DYRK1A: variants seen among roughly 807,000 people sequenced by gnomAD.
DYRK1A encodes dual specificity tyrosine phosphorylation regulated kinase 1A.
DYRK1A carries 9 observed loss-of-function variants against 79.7 expected under a neutral mutation model. That is an observed-to-expected ratio of 0.11 (90% CI 0.07 to 0.20). The LOEUF (loss-of-function observed/expected upper bound fraction) is 0.20, where lower values mean the gene tolerates loss of function less well. Ranked by LOEUF, DYRK1A falls within the 10% of genes least tolerant of loss-of-function variation. The pLI is 1.00. For synonymous variants in DYRK1A, 349 were observed against 329.7 expected (o/e 1.06, Z -0.63); for missense variants, 622 against 956.0 (o/e 0.65, Z 4.61).
intron 2 of DYRK1A, among the ~76,000 whole-genome samples, chr21:37,450,816 C>A (rs1000649955): frequency 2.0e-5 from 3 of 152,242 alleles, no homozygotes; most frequent in Non-Finnish European, 2.9e-5. Flanking sequence ...GTACTTCCCT[C>A]CAAAGCACTA....
intron 1 of DYRK1A, among the ~76,000 whole-genome samples, chr21:37,402,875 G>T (rs1427618991): frequency 6.6e-6 from 1 of 152,056 alleles, no homozygotes; most frequent in Non-Finnish European, 1.5e-5. Flanking sequence ...TGATTCTCAT[G>T]CCTTAGCCTC....
chr21:37,478,932 A>G (rs1181458504), intron 4 of DYRK1A, among the ~76,000 whole-genome samples: 1 of 152,052 alleles, frequency 6.6e-6, no homozygotes. Flanking sequence ...GCCACCGAAA[A>G]TTTTTCTGGT....
chr21:37,474,223 T>G (rs1215724103), intron 3 of DYRK1A, among the ~76,000 whole-genome samples: 2 of 152,222 alleles, frequency 1.3e-5, no homozygotes, highest in East Asian at 3.8e-4. Context: ...TCCAGTCCTT[T>G]AAAGTCATTT....
At position 37,367,453 on chromosome 21, in the gene DYRK1A, C is replaced by G. The variant is rs146710299; in HGVS notation, c.-252C>G. 1.6e-3 allele frequency: 239 copies of G among 148,720 alleles called. No homozygotes were observed. The highest frequency in any genetic ancestry group is 5.4e-3 in the African/African-American group (223 of 41,116). The allele number at this position is 148,720 out of a possible 1,614,324, so 9.2% of individuals were successfully genotyped here. ...TCCCCGGCCCCGGGCGCCGCTGGAA[C>G]CGCGAGCCGAGGAGAGACTGAGCAG... On this transcript the variant is annotated 5_prime_UTR_variant, in exon 1 of 12. Coordinates refer to ENST00000647188, the MANE Select transcript of DYRK1A (RefSeq NM_001347721.2).
intron 9 of DYRK1A, 94 bp downstream of exon 9, chr21:37,496,352 G>A: frequency 9.8e-6 from 13 of 1,323,670 alleles, no homozygotes; most frequent in Non-Finnish European, 1.3e-5. Flanking sequence ...TGAAATCAGT[G>A]TGTTTCAGTT....
chr21:37,380,467 T>C (rs1259522499), intron 1 of DYRK1A, among the ~76,000 whole-genome samples: 2 of 152,020 alleles, frequency 1.3e-5, no homozygotes, highest in Non-Finnish European at 2.9e-5. Flanking sequence ...GCTAGGTAAA[T>C]TTACCTAGGA....
At chr21:37,379,611 T>C (rs748679400) in intron 1 of DYRK1A, among the ~76,000 whole-genome samples, 1 of 152,196 alleles carries the variant, frequency 6.6e-6, no homozygotes, top group Non-Finnish European at 1.5e-5. Flanking sequence ...CCATTAAATA[T>C]GAGCTAAAAA....
At chr21:37,430,739 C>T (rs2050754257) in intron 2 of DYRK1A, among the ~76,000 whole-genome samples, 1 of 152,184 alleles carries the variant, frequency 6.6e-6, no homozygotes, top group South Asian at 2.1e-4. Context: ...CGTGTCTAGT[C>T]CTGGTGCAGG....
chr21:37,432,786 T>A (rs2148457511), intron 2 of DYRK1A, among the ~76,000 whole-genome samples: 1 of 152,138 alleles, frequency 6.6e-6, no homozygotes, highest in African/African-American at 2.4e-5. Context: ...TCTAAAAATA[T>A]TTCTTATAGG....
rs1569284870 is a variant in DYRK1A, at chr21:37,388,122, T to TTA, written c.-77+20494_-77+20495insTA. ...TTGATTTTTTTTTTTTTTTTTTTTT[T>TTA]ACTCTTGCCCAGGCTGGAGTGCAGT... On this transcript the variant is annotated intron_variant, in intron 1 of 11. Coordinates refer to ENST00000647188, the MANE Select transcript of DYRK1A (RefSeq NM_001347721.2). 2.7e-5 allele frequency among the ~76,000 whole-genome samples: 4 copies of TTA among 148,010 alleles called. No homozygotes were observed. The East Asian group carries it at 5.9e-4, about 22-fold the overall frequency.
intron 1 of DYRK1A, among the ~76,000 whole-genome samples, chr21:37,392,862 T>G (rs1203068050): frequency 1.3e-5 from 2 of 152,246 alleles, no homozygotes; most frequent in African/African-American, 2.4e-5. Flanking sequence ...GAGGATCCAG[T>G]CTTTCTGCTT....
At chr21:37,414,335 A>G (rs2050297337) in intron 1 of DYRK1A, among the ~76,000 whole-genome samples, 2 of 152,086 alleles carry the variant, frequency 1.3e-5, no homozygotes. Flanking sequence ...CTTGGATTTG[A>G]ATATCTCTCT....
intron 1 of DYRK1A, among the ~76,000 whole-genome samples, chr21:37,380,960 G>T (rs1255137360): frequency 6.6e-6 from 1 of 152,024 alleles, no homozygotes; most frequent in Non-Finnish European, 1.5e-5. Flanking sequence ...CCTTCTATGC[G>T]CTCTTCGTTT....
chr21:37,371,849 A>G (rs924343877), intron 1 of DYRK1A, among the ~76,000 whole-genome samples: 1 of 152,192 alleles, frequency 6.6e-6, no homozygotes, highest in Non-Finnish European at 1.5e-5. Context: ...CATCAACTCT[A>G]TTTTAAATAA....
intron 9 of DYRK1A, chr21:37,504,067 G>C (rs1044272754): frequency 6.6e-6 from 1 of 152,186 alleles, no homozygotes; most frequent in South Asian, 2.1e-4. Flanking sequence ...CTCATGTGGG[G>C]CTGAGTTGAT....
chr21:37,524,397 T>C lies in DYRK1A; in HGVS notation c.*11866T>C, dbSNP rs2053955008. On this transcript the variant is annotated 3_prime_UTR_variant, in exon 12 of 12. Transcript: ENST00000647188. ...TAAAATTGAATATCTCATCACAGAA[T>C]TTATTCACAAAAATAAAAAATGAAA... 6.6e-6 allele frequency: 1 copy of C among 152,244 alleles called. No individual in the cohort carries two copies. Among genetic ancestry groups the C allele is most frequent in the South Asian group, 2.1e-4 (1 of 4,826 alleles). The allele number at this position is 152,244 out of a possible 1,614,324, so 9.4% of individuals were successfully genotyped here. A position where few individuals can be genotyped will look rare whatever the true frequency, so the allele number is the denominator to read the frequency against.
chr21:37,470,745 C>G (rs146054522), intron 2 of DYRK1A, among the ~76,000 whole-genome samples: 1 of 152,318 alleles, frequency 6.6e-6, no homozygotes, highest in African/African-American at 2.4e-5. Flanking sequence ...TTTGCTTTTA[C>G]AAACAACACC....
chr21:37,516,784 T>C lies in DYRK1A; in HGVS notation c.*4253T>C, dbSNP rs559260149. 3 of 152,292 alleles carry C rather than the reference T, an allele frequency of 2.0e-5. No individual in the cohort carries two copies. Among genetic ancestry groups the C allele is most frequent in the African/African-American group, 7.2e-5 (3 of 41,576 alleles). 9.4% of individuals were successfully genotyped at this position (152,292 alleles called of 1,614,324 possible). On this transcript the variant is annotated 3_prime_UTR_variant, in exon 12 of 12. Transcript: ENST00000647188. ...TCTTGCATCAGAACTTTAAAAAAAA[T>C]AACACTACCTTAACACTGAGACTGT...
At position 37,521,380 on chromosome 21, in the gene DYRK1A, C is replaced by A; in HGVS notation, c.*8849C>A. 1 of 152,214 alleles carries A rather than the reference C, an allele frequency of 6.6e-6. No homozygotes were observed. The highest frequency in any genetic ancestry group is 1.5e-5 in the Non-Finnish European group (1 of 68,036). The allele number at this position is 152,214 out of a possible 1,614,324, so 9.4% of individuals were successfully genotyped here. On this transcript the variant is annotated 3_prime_UTR_variant, in exon 12 of 12. Coordinates refer to ENST00000647188, the MANE Select transcript of DYRK1A (RefSeq NM_001347721.2). ...TTTAAAAATGAACAAAAAGTCCTAC[C>A]CTGAAGAAGAAGAATGTCTTACCAG...
Sources: allele counts gnomAD v4.1 joint callset (sites outside exome capture counted in the v4.1 genomes callset), GRCh38; gene constraint gnomAD v4.1.1; transcripts MANE v1.5; gene names NCBI Gene and HGNC (gene_info 2026-07-23, HGNC 2026-07-21).